Variants in PIN4 observed in about 807,000 individuals in gnomAD.
PIN4 encodes peptidyl-prolyl cis-trans isomerase NIMA-interacting 4.
PIN4 carries 3 observed loss-of-function variants against 8.3 expected under a neutral mutation model. That is an observed-to-expected ratio of 0.36 (90% CI 0.16 to 0.93). PIN4 has a LOEUF of 0.93. Among genes scored for constraint, PIN4 ranks in the 40% least tolerant of loss-of-function variants. The pLI is 0.44. For missense variants in PIN4, 75 were observed against 100.6 expected (o/e 0.75, Z 1.09); for synonymous variants, 18 against 32.5 (o/e 0.55, Z 1.52).
chrX:72,215,671 T>G (rs2042883678), intron 3 of PIN4, among the ~76,000 whole-genome samples: 1 of 111,545 alleles, frequency 9.0e-6, no homozygotes, highest in African/African-American at 3.3e-5. Context: ...CATAACACGC[T>G]GCGATTTGGC....
chrX:72,186,231 TAGC>T (rs1278166577), intron 1 of PIN4: 4 of 418,309 alleles, frequency 9.6e-6, no homozygotes, highest in South Asian at 2.9e-5. Flanking sequence ...TTTTTTTTTT[TAGC>T]TTGTCAACTA....
intron 2 of PIN4, among the ~76,000 whole-genome samples, chrX:72,188,762 G>A (rs2042716685): frequency 9.0e-6 from 1 of 111,523 alleles, no homozygotes; most frequent in Non-Finnish European, 1.9e-5. Context: ...GGCCTCAAGC[G>A]ATCCTCCCGC....
chrX:72,192,004 T>G (rs1347034903), intron 2 of PIN4, among the ~76,000 whole-genome samples: 3 of 110,579 alleles, frequency 2.7e-5, no homozygotes, highest in African/African-American at 3.3e-5. Context: ...CAGGCTGGAG[T>G]GCAGTGGCGC....
chrX:72,229,227 C>T (rs745491911), intron 3 of PIN4, among the ~76,000 whole-genome samples: 8 of 111,257 alleles, frequency 7.2e-5, no homozygotes, highest in African/African-American at 2.6e-4. Context: ...CCAACGCAAC[C>T]GTACTATCAT....
intron 3 of PIN4, among the ~76,000 whole-genome samples, chrX:72,260,514 AG>A (rs1569493618): frequency 9.0e-6 from 1 of 111,350 alleles, no homozygotes; most frequent in Non-Finnish European, 1.9e-5. Flanking sequence ...TCATCCCTCC[AG>A]GGCTCCAGTT....
downstream of PIN4, chrX:72,198,774 CTT>C (rs1569489019): frequency 9.0e-6 from 1 of 111,636 alleles, no homozygotes; most frequent in Non-Finnish European, 1.9e-5. Context: ...GGGAGGATCA[CTT>C]GAGCCTTGGA....
chrX:72,186,248 T>G, intron 1 of PIN4: 2 of 461,473 alleles, frequency 4.3e-6, no homozygotes, highest in Non-Finnish European at 3.9e-6. Context: ...TCAACTATCA[T>G]TAGTGTTAGC....
intron 3 of PIN4, among the ~76,000 whole-genome samples, chrX:72,241,273 G>A (rs2043048077): frequency 1.8e-5 from 2 of 111,540 alleles, no homozygotes; most frequent in South Asian, 7.6e-4. Context: ...AGCAAGTAAT[G>A]TCATGAGGGA....
chrX:72,207,901 T>C, intron 3 of PIN4: 1 of 1,211,188 alleles, frequency 8.3e-7, no homozygotes, highest in Non-Finnish European at 1.1e-6. Context: ...ATTTTCATAC[T>C]CCATCTTAAA....
chrX:72,198,435 T>G (rs2042777434), downstream of PIN4: 1 of 421,526 alleles, frequency 2.4e-6, no homozygotes, highest in African/African-American at 2.7e-5. Flanking sequence ...GAACTTTACC[T>G]AGATACCTGA....
chrX:72,231,580 C>CTCCCTCTG (rs1002713130), intron 3 of PIN4, among the ~76,000 whole-genome samples: 4 of 109,051 alleles, frequency 3.7e-5, no homozygotes, highest in African/African-American at 1.3e-4. Context: ...GAGACAGGGT[C>CTCCCTCTG]TCCCTCTGTC....
At chrX:72,209,277 C>T (rs1287657100) in intron 3 of PIN4, among the ~76,000 whole-genome samples, 5 of 111,718 alleles carry the variant, frequency 4.5e-5, no homozygotes, top group African/African-American at 1.3e-4. Flanking sequence ...CACCTATGTG[C>T]TCATGACTCT....
Position 72,206,014 on chromosome X carries a change from G to T in PIN4, c.312+9110G>T. 4.1e-6 allele frequency: 5 copies of T among 1,211,636 alleles called. No individual in the cohort carries two copies. The South Asian group carries it at 8.8e-5, about 21-fold the overall frequency. The stretch of plus-strand genomic sequence containing the variant: ...ACTATGGGATGCTGAAAGGTCATCA[G>T]CTATTTCAATAATGGATACATTTGA... On this transcript the variant is annotated intron_variant, in intron 3 of 3. Transcript: ENST00000423432.
Position 72,197,762 on chromosome X carries a change from G to A in PIN4, c.*236G>A. On this transcript the variant is annotated 3_prime_UTR_variant, in exon 4 of 4. Transcript: ENST00000373669. Reference sequence around the variant, plus strand: ...TCAGTCTTTCTCAAAGAGAAGTCAAGCAGACTCCCTTTAACCTGTATTCTC... The same window carrying A: ...TCAGTCTTTCTCAAAGAGAAGTCAAACAGACTCCCTTTAACCTGTATTCTC... The A allele has an allele frequency of 1.1e-6, 1 of 911,125 alleles. No individual in the cohort carries two copies. Among genetic ancestry groups the A allele is most frequent in the Non-Finnish European group, 1.4e-6 (1 of 735,494 alleles). The allele number at this position is 911,125 out of a possible 1,213,427, so 75.1% of individuals were successfully genotyped here.
chrX:72,181,950 C>A, intron 1 of PIN4, 122 bp downstream of exon 1: 1 of 515,582 alleles, frequency 1.9e-6, no homozygotes, highest in Non-Finnish European at 3.5e-6. Context: ...CACAGTGCTG[C>A]CATCGATTAC....
intron 3 of PIN4, chrX:72,206,254 G>C: frequency 8.3e-7 from 1 of 1,208,172 alleles, no homozygotes. Context: ...TTCATTTTTA[G>C]TTGCAAAGCT....
chrX:72,243,150 T>A (rs778857078), intron 3 of PIN4, among the ~76,000 whole-genome samples: 122 of 110,410 alleles, frequency 1.1e-3, no homozygotes, highest in Non-Finnish European at 2.0e-3. Context: ...ACCCCATCTC[T>A]ACTAAAATAC....
At chrX:72,219,999 T>A (rs1189048882) in intron 3 of PIN4, among the ~76,000 whole-genome samples, 14 of 111,728 alleles carry the variant, frequency 1.3e-4, no homozygotes, top group Non-Finnish European at 9.4e-5. Context: ...CTATGGGATT[T>A]TTGTAGATAC....
intron 1 of PIN4, 32 bp downstream of exon 1, chrX:72,181,860 G>A (rs1185659071): frequency 3.5e-6 from 3 of 858,885 alleles, no homozygotes; most frequent in Admixed American, 2.5e-5. Context: ...AGGAGAATGG[G>A]GGCGGGTGAG....
Sources: allele counts gnomAD v4.1 joint callset (sites outside exome capture counted in the v4.1 genomes callset), GRCh38; gene constraint gnomAD v4.1.1; transcripts MANE v1.5; gene names NCBI Gene and HGNC (gene_info 2026-07-23, HGNC 2026-07-21).